ADAMTS18: variants seen among roughly 807,000 people sequenced by gnomAD.
The protein encoded by ADAMTS18 is ADAM metallopeptidase with thrombospondin type 1 motif 18.
ADAMTS18 carries 157 observed loss-of-function variants against 165.9 expected under a neutral mutation model. That is an observed-to-expected ratio of 0.95 (90% CI 0.83 to 1.08). ADAMTS18 has a LOEUF of 1.08. Ranked by LOEUF, ADAMTS18 falls within the 50% of genes least tolerant of loss-of-function variation. The pLI is 0.00. For synonymous variants in ADAMTS18, 782 were observed against 578.2 expected (o/e 1.35, Z -5.06); for missense variants, 2,040 against 1,534.0 (o/e 1.33, Z -5.51).
At chr16:77,309,206 G>A (rs2144612432) in intron 16 of ADAMTS18, among the ~76,000 whole-genome samples, 1 of 143,806 alleles carries the variant, frequency 7.0e-6, no homozygotes, top group South Asian at 2.2e-4. Context: ...ACGTGCGCAT[G>A]TAGCTGGCTA....
At chr16:77,310,849 AAC>A (rs1417390315) in intron 16 of ADAMTS18, among the ~76,000 whole-genome samples, 1 of 152,046 alleles carries the variant, frequency 6.6e-6, no homozygotes, top group Non-Finnish European at 1.5e-5. Context: ...GCTGGTCTCA[AAC>A]ACCCATGCTC....
At chr16:77,416,648 T>C (rs1225103901) in intron 3 of ADAMTS18, among the ~76,000 whole-genome samples, 1 of 152,214 alleles carries the variant, frequency 6.6e-6, no homozygotes, top group Non-Finnish European at 1.5e-5. Flanking sequence ...CCATTAAACC[T>C]CTTTCCTTTA....
At chr16:77,291,054 C>G (rs1424596303) in intron 21 of ADAMTS18, 1 of 534,880 alleles carries the variant, frequency 1.9e-6, no homozygotes, top group African/African-American at 1.9e-5. Context: ...ATCAACTCTC[C>G]CAGATAATGA....
At position 77,353,748 on chromosome 16, in the gene ADAMTS18, G is replaced by C; in HGVS notation, c.1599C>G (p.Ser533Arg). 1 of 1,614,148 alleles carries C rather than the reference G, an allele frequency of 6.2e-7. No homozygotes were observed. Among genetic ancestry groups the C allele is most frequent in the Non-Finnish European group, 8.5e-7 (1 of 1,180,030 alleles). Residue 533 changes from serine (S) to arginine (R), a missense_variant, in exon 10 of 23, where the codon AGC becomes AGG. Transcript: ENST00000282849. The part of the protein sequence containing the change: ...WQFGAKAKLC[S>R]LGFVKDICKS... The stretch of plus-strand genomic sequence containing the variant: ...GCAAACATACCTTCACAAAACCAAG[G>C]CTGCATAACTTGGCTTTTGCTCCAA...
chr16:77,314,767 TATATATATATATATATATAAAA>T (rs1954206770), intron 16 of ADAMTS18, among the ~76,000 whole-genome samples: 2 of 81,676 alleles, frequency 2.4e-5, no homozygotes, highest in African/African-American at 8.9e-5. Flanking sequence ...TATATATATA[TATATATATATATATATATAAAA>T]TATATGTGAT....
intron 3 of ADAMTS18, among the ~76,000 whole-genome samples, chr16:77,413,273 C>G (rs1372128154): frequency 6.6e-6 from 1 of 152,060 alleles, no homozygotes; most frequent in Non-Finnish European, 1.5e-5. Flanking sequence ...CCTAAGGAAA[C>G]CAGGACTCAG....
At position 77,429,949 on chromosome 16, in the gene ADAMTS18, T is replaced by G. The variant is rs533477054; in HGVS notation, c.495+1346A>C. Among the ~76,000 whole-genome samples the G allele has an allele frequency of 2.4e-3, 366 of 152,300 alleles. 2 individuals carry two copies. The highest frequency in any genetic ancestry group is 4.0e-3 in the Non-Finnish European group (270 of 68,022). Reference sequence around the variant, plus strand: ...CTCTACTTAACACAGAGTTAAACAATTTGTCTAAGGTCCTATGAGTAAATG... The same window carrying G: ...CTCTACTTAACACAGAGTTAAACAAGTTGTCTAAGGTCCTATGAGTAAATG... On this transcript the variant is annotated intron_variant, in intron 3 of 22. Transcript: ENST00000282849.
At chr16:77,325,476 T>A (rs1455821376) in intron 13 of ADAMTS18, among the ~76,000 whole-genome samples, 1 of 152,068 alleles carries the variant, frequency 6.6e-6, no homozygotes, top group Non-Finnish European at 1.5e-5. Flanking sequence ...AACTGACATG[T>A]CAGTTACTGT....
At chr16:77,362,345 C>T (rs1423158715) in intron 6 of ADAMTS18, 81 bp from the exon 7 acceptor site, 1 of 1,476,484 alleles carries the variant, frequency 6.8e-7, no homozygotes, top group East Asian at 2.3e-5. Flanking sequence ...TACAGGCAAA[C>T]ACAGAAACAT....
intron 5 of ADAMTS18, 96 bp from the exon 6 acceptor site, chr16:77,363,981 T>A: frequency 7.6e-7 from 1 of 1,314,190 alleles, no homozygotes; most frequent in Non-Finnish European, 1.1e-6. Flanking sequence ...AGGCTTTAAT[T>A]TTACCAAATA....
chr16:77,348,415 A>G (rs532629029), intron 10 of ADAMTS18, among the ~76,000 whole-genome samples: 1 of 152,364 alleles, frequency 6.6e-6, no homozygotes, highest in African/African-American at 2.4e-5. Flanking sequence ...CAAGTCTCCC[A>G]TCCGAGGCAG....
chr16:77,285,513 A>G (rs936857358), intron 22 of ADAMTS18, among the ~76,000 whole-genome samples: 2 of 151,074 alleles, frequency 1.3e-5, no homozygotes, highest in Non-Finnish European at 2.9e-5. Context: ...CTTTAAAAAT[A>G]TTTAGAGTAT....
chr16:77,334,107 T>C (rs62652204), intron 12 of ADAMTS18, among the ~76,000 whole-genome samples: 17,942 of 48,408 alleles, frequency 0.37, 1,058 homozygotes, highest in African/African-American at 0.38. Flanking sequence ...ATATAATATA[T>C]AGTGTTATAT....
At chr16:77,301,550 G>C (rs967562255) in intron 16 of ADAMTS18, among the ~76,000 whole-genome samples, 1 of 152,158 alleles carries the variant, frequency 6.6e-6, no homozygotes, top group Non-Finnish European at 1.5e-5. Flanking sequence ...CACTAGAACT[G>C]GGCATTCATG....
At chr16:77,367,879 G>A (rs868582990) in intron 3 of ADAMTS18, among the ~76,000 whole-genome samples, 156 bp from the exon 4 acceptor site, 2 of 152,076 alleles carry the variant, frequency 1.3e-5, no homozygotes, top group African/African-American at 2.4e-5. Context: ...CCATTACAAC[G>A]AGTTGCTATT....
chr16:77,380,674 A>G (rs2057017671), intron 3 of ADAMTS18, among the ~76,000 whole-genome samples: 1 of 152,204 alleles, frequency 6.6e-6, no homozygotes, highest in Admixed American at 6.5e-5. Context: ...TTCAGCATTT[A>G]TAAATTAATC....
At chr16:77,380,471 G>A (rs1056301097) in intron 3 of ADAMTS18, among the ~76,000 whole-genome samples, 3 of 152,170 alleles carry the variant, frequency 2.0e-5, no homozygotes, top group Non-Finnish European at 4.4e-5. Flanking sequence ...GAAAGTATAA[G>A]CAGATTCTGT....
At chr16:77,387,829 C>G (rs1025807752) in intron 3 of ADAMTS18, among the ~76,000 whole-genome samples, 1 of 152,138 alleles carries the variant, frequency 6.6e-6, no homozygotes, top group Non-Finnish European at 1.5e-5. Context: ...CCTTTTCTAT[C>G]CAGGAGTTTA....
chr16:77,384,649 G>A (rs2057079953), intron 3 of ADAMTS18, among the ~76,000 whole-genome samples: 1 of 152,086 alleles, frequency 6.6e-6, no homozygotes, highest in Non-Finnish European at 1.5e-5. Context: ...CCCAACTTAT[G>A]GGGCATTTCT....
Sources: gnomAD v4.1 joint callset for allele counts (sites outside exome capture counted in the v4.1 genomes callset) on GRCh38, gnomAD v4.1.1 for gene constraint, MANE v1.5 for transcripts, NCBI Gene and HGNC (gene_info 2026-07-23, HGNC 2026-07-21) for gene names.